The following AGBL1 variants were observed in gnomAD, a reference collection of about 807,000 sequenced individuals.
The protein encoded by AGBL1 is cytosolic carboxypeptidase 4.
Under a neutral mutation model 118.9 loss-of-function variants are expected in AGBL1, and 130 were observed. The ratio of observed to expected loss-of-function variants is 1.09; its 90% CI spans 0.95 to 1.26. The LOEUF (loss-of-function observed/expected upper bound fraction) is 1.26. Among genes scored for constraint, AGBL1 ranks in the 50% most tolerant of loss-of-function variants. The pLI, the probability that AGBL1 is intolerant of heterozygous loss-of-function variation, is 0.00. For synonymous variants in AGBL1, 555 were observed against 478.9 expected, an observed-to-expected ratio of 1.16 and a Z score of -2.08; for missense variants, 1,584 against 1,298.1, an observed-to-expected ratio of 1.22 and a Z score of -3.38.
At chr15:86,751,242 C>T (rs2077847142) in intron 22 of AGBL1, among the ~76,000 whole-genome samples, 1 of 152,156 alleles carries the variant, frequency 6.6e-6, no homozygotes, top group Admixed American at 6.6e-5. Context: ...GTCCTACCAA[C>T]AGTGTGTAAG....
At chr15:86,871,725 C>T (rs959689335) in intron 22 of AGBL1, among the ~76,000 whole-genome samples, 10 of 152,248 alleles carry the variant, frequency 6.6e-5, no homozygotes, top group Middle Eastern at 3.4e-3. Flanking sequence ...TCTACCTTCA[C>T]GCTCTTCAAA....
chr15:86,517,712 C>T (rs2083138511), intron 18 of AGBL1, among the ~76,000 whole-genome samples: 1 of 152,152 alleles, frequency 6.6e-6, no homozygotes, highest in African/African-American at 2.4e-5. Context: ...ATATCCTGAA[C>T]ATAATAACAT....
At chr15:86,169,587 T>G (rs574522531) in intron 5 of AGBL1, among the ~76,000 whole-genome samples, 1 of 152,256 alleles carries the variant, frequency 6.6e-6, no homozygotes, top group East Asian at 1.9e-4. Context: ...ATATAACTTA[T>G]GCACTTCCTC....
rs538102751 is a variant in AGBL1, at chr15:86,495,098, C to G, written c.2556-27712C>G. Among the ~76,000 whole-genome samples, 7 of 150,962 alleles carry G rather than the reference C, an allele frequency of 4.6e-5. 1 individual carries two copies. The East Asian group carries it at 1.4e-3, about 30-fold the overall frequency. On this transcript the variant is annotated intron_variant, in intron 18 of 22. Transcript: ENST00000614907. ...GCCCCCTAGTGCGCTCCGTCTGTCTCGCTCACTCTCTCTCTCTCTCTCTCT... is the reference window on the plus strand; with the variant it reads ...GCCCCCTAGTGCGCTCCGTCTGTCTGGCTCACTCTCTCTCTCTCTCTCTCT...
At chr15:86,193,106 C>T (rs1249833565) in intron 5 of AGBL1, among the ~76,000 whole-genome samples, 1 of 151,756 alleles carries the variant, frequency 6.6e-6, no homozygotes, top group Non-Finnish European at 1.5e-5. Context: ...GTGATCATAC[C>T]AGATACTGTG....
intron 20 of AGBL1, among the ~76,000 whole-genome samples, 200 bp from the exon 21 acceptor site, chr15:86,554,161 A>G (rs1479934847): frequency 1.3e-5 from 2 of 152,104 alleles, no homozygotes; most frequent in East Asian, 1.9e-4. Flanking sequence ...CTCCTGGCCT[A>G]TTTCTACCTT....
intron 24 of AGBL1, among the ~76,000 whole-genome samples, chr15:86,989,623 C>T (rs941800673): frequency 1.3e-5 from 2 of 151,856 alleles, no homozygotes; most frequent in Non-Finnish European, 2.9e-5. Flanking sequence ...AAGTATATAG[C>T]AATGATTAAA....
chr15:86,631,677 G>C (rs977081849), intron 21 of AGBL1, among the ~76,000 whole-genome samples: 1 of 152,176 alleles, frequency 6.6e-6, no homozygotes. Context: ...CCTGATGGGA[G>C]GTGTGGTTCA....
intron 22 of AGBL1, among the ~76,000 whole-genome samples, chr15:86,736,176 A>G (rs1252170899): frequency 6.6e-6 from 1 of 152,116 alleles, no homozygotes; most frequent in African/African-American, 2.4e-5. Flanking sequence ...AGGTCAGGAC[A>G]TCAAGACCAT....
At chr15:86,225,366 G>T (rs1394934937) in intron 6 of AGBL1, among the ~76,000 whole-genome samples, 1 of 152,170 alleles carries the variant, frequency 6.6e-6, no homozygotes, top group African/African-American at 2.4e-5. Context: ...ATTTTGGCTG[G>T]CTGGAGAGAA....
At chr15:86,661,864 C>G (rs976738231) in intron 21 of AGBL1, among the ~76,000 whole-genome samples, 1 of 152,156 alleles carries the variant, frequency 6.6e-6, no homozygotes, top group African/African-American at 2.4e-5. Flanking sequence ...TTTAACTAGT[C>G]AAATGAATCA....
At chr15:86,572,694 G>A (rs1470999567) in intron 21 of AGBL1, among the ~76,000 whole-genome samples, 1 of 152,210 alleles carries the variant, frequency 6.6e-6, no homozygotes, top group Non-Finnish European at 1.5e-5. Flanking sequence ...ACAGGGCACA[G>A]GAGTCCGACC....
At chr15:87,003,524 A>G (rs1216202407) in intron 24 of AGBL1, among the ~76,000 whole-genome samples, 1 of 152,010 alleles carries the variant, frequency 6.6e-6, no homozygotes, top group Non-Finnish European at 1.5e-5. Flanking sequence ...CTCTTTTTCT[A>G]TTAATTGGAA....
At chr15:86,756,088 T>C (rs1479855899) in intron 22 of AGBL1, among the ~76,000 whole-genome samples, 1 of 152,102 alleles carries the variant, frequency 6.6e-6, no homozygotes, top group Non-Finnish European at 1.5e-5. Flanking sequence ...AGAAATATAG[T>C]AGGGTCAATT....
intron 21 of AGBL1, among the ~76,000 whole-genome samples, chr15:86,563,306 CT>C (rs1218193824): frequency 6.6e-6 from 1 of 152,158 alleles, no homozygotes; most frequent in African/African-American, 2.4e-5. Context: ...CCTCTACACA[CT>C]GCTTTAAATG....
At chr15:86,391,981 C>G (rs1555477859) in intron 17 of AGBL1, among the ~76,000 whole-genome samples, 1 of 151,824 alleles carries the variant, frequency 6.6e-6, no homozygotes, top group Non-Finnish European at 1.5e-5. Context: ...TTTTTTTACT[C>G]TTCTTCTCCT....
intron 21 of AGBL1, among the ~76,000 whole-genome samples, chr15:86,636,606 C>T: frequency 6.8e-6 from 1 of 146,650 alleles, no homozygotes; most frequent in East Asian, 2.0e-4. Flanking sequence ...TCATCACATC[C>T]TCACTGTAAG....
chr15:86,122,074 C>A (rs868814780), intron 1 of AGBL1, among the ~76,000 whole-genome samples: 1 of 152,172 alleles, frequency 6.6e-6, no homozygotes, highest in Non-Finnish European at 1.5e-5. Flanking sequence ...TTTGAATGTG[C>A]GCTCTCCCTC....
Position 86,224,970 on chromosome 15 carries a change from G to A in AGBL1, c.526+19G>A, listed in dbSNP as rs1331708328. On this transcript the variant is annotated intron_variant, in intron 6 of 22. Transcript: ENST00000614907. ...AAATCCAGTAAGCACCTCTTTTGAA[G>A]GGTGGCTATTTCTCTCCACTCTGGG... 67 of 1,612,240 alleles carry A rather than the reference G, an allele frequency of 4.2e-5. No individual in the cohort carries two copies. Among genetic ancestry groups the A allele is most frequent in the Non-Finnish European group, 5.0e-5 (59 of 1,178,946 alleles).
Sources: gnomAD v4.1 joint callset for allele counts (sites outside exome capture counted in the v4.1 genomes callset) on GRCh38, gnomAD v4.1.1 for gene constraint, MANE v1.5 for transcripts, NCBI Gene and HGNC (gene_info 2026-07-23, HGNC 2026-07-21) for gene names.